RCL1: variants seen among roughly 807,000 people sequenced by gnomAD.
The protein encoded by RCL1 is RNA 3'-terminal phosphate cyclase-like protein.
In RCL1, 24 loss-of-function variants were observed where a neutral mutation model predicts 42.4. That is an observed-to-expected ratio of 0.57 (90% CI 0.41 to 0.80). The LOEUF (loss-of-function observed/expected upper bound fraction) is 0.80. Ranked by LOEUF, RCL1 falls within the 30% of genes least tolerant of loss-of-function variation. The pLI, the probability that RCL1 is intolerant of heterozygous loss-of-function variation, is 0.00. For missense variants in RCL1, 578 were observed against 467.9 expected (o/e 1.24, Z -2.17); for synonymous variants, 228 against 177.3 (o/e 1.29, Z -2.27).
At chr9:4,852,769 C>CTTTT (rs34189601) in intron 8 of RCL1, among the ~76,000 whole-genome samples, 1 of 143,596 alleles carries the variant, frequency 7.0e-6, no homozygotes, top group Admixed American at 6.9e-5. Context: ...GGTCAGGTCA[C>CTTTT]TTTTTTTTTT....
chr9:4,858,702 A>T (rs10121212), intron 8 of RCL1, among the ~76,000 whole-genome samples: 58 of 151,830 alleles, frequency 3.8e-4, no homozygotes, highest in Admixed American at 9.2e-4. Flanking sequence ...CTATGTGTTT[A>T]GCGTCAGTGT....
intron 5 of RCL1, among the ~76,000 whole-genome samples, chr9:4,840,531 C>T (rs972477206): frequency 1.3e-5 from 2 of 152,102 alleles, no homozygotes; most frequent in African/African-American, 4.8e-5. Context: ...TATCTTCCTC[C>T]TTTCTTTTCT....
chr9:4,852,177 G>A (rs770935707), intron 8 of RCL1, among the ~76,000 whole-genome samples: 1 of 152,082 alleles, frequency 6.6e-6, no homozygotes, highest in Non-Finnish European at 1.5e-5. Flanking sequence ...CACCAAGTCC[G>A]GCCAATGTGA....
intron 5 of RCL1, among the ~76,000 whole-genome samples, chr9:4,834,773 A>G (rs1018587553): frequency 6.6e-6 from 1 of 152,232 alleles, no homozygotes; most frequent in Non-Finnish European, 1.5e-5. Flanking sequence ...TTTACTCTGC[A>G]TCTACTTCAG....
intron 1 of RCL1, among the ~76,000 whole-genome samples, chr9:4,814,411 C>T (rs534151281): frequency 6.6e-6 from 1 of 152,080 alleles, no homozygotes; most frequent in Non-Finnish European, 1.5e-5. Flanking sequence ...GGTCTCCCTA[C>T]AGGTGTTTGC....
intron 5 of RCL1, among the ~76,000 whole-genome samples, chr9:4,840,130 G>A (rs1358858010): frequency 2.0e-5 from 3 of 151,658 alleles, no homozygotes; most frequent in Non-Finnish European, 4.4e-5. Context: ...GTTCAGGATG[G>A]GTCAAAAAAG....
At chr9:4,858,897 G>T (rs1818056916) in intron 8 of RCL1, among the ~76,000 whole-genome samples, 1 of 152,184 alleles carries the variant, frequency 6.6e-6, no homozygotes, top group Non-Finnish European at 1.5e-5. Context: ...AATGAGACTT[G>T]CCAGGGATTC....
chr9:4,826,728 G>A, intron 2 of RCL1, 130 bp from the exon 3 acceptor site: 1 of 760,586 alleles, frequency 1.3e-6, no homozygotes, highest in Non-Finnish European at 2.2e-6. Flanking sequence ...TGGGCTCTTA[G>A]CAAGATGGCA....
At chr9:4,815,453 CT>C (rs71326139) in intron 1 of RCL1, among the ~76,000 whole-genome samples, 127,834 of 141,330 alleles carry the variant, frequency 0.9, 58,061 homozygotes, top group Non-Finnish European at 0.96. Context: ...TTTTTCTTTT[CT>C]TTTTTTTTTT....
At chr9:4,821,347 C>A (rs540411478) in intron 1 of RCL1, among the ~76,000 whole-genome samples, 1 of 152,192 alleles carries the variant, frequency 6.6e-6, no homozygotes, top group African/African-American at 2.4e-5. Flanking sequence ...ATGATCAGGG[C>A]AGTCTGTTTG....
intron 4 of RCL1, 31 bp from the exon 5 acceptor site, chr9:4,834,110 C>A (rs1040371802): frequency 6.2e-7 from 1 of 1,605,182 alleles, no homozygotes. Flanking sequence ...TTTGCTGCAT[C>A]CTCGCCTCAT....
In RCL1 at chr9:4,798,362, C is replaced by G. The variant is rs562893450; in HGVS notation, c.136+5135C>G. 5.4e-4 allele frequency among the ~76,000 whole-genome samples: 82 copies of G among 152,294 alleles called. 1 individual carries two copies. The highest frequency in any genetic ancestry group is 2.0e-3 in the African/African-American group (82 of 41,582). On this transcript the variant is annotated intron_variant, in intron 1 of 8. Coordinates refer to ENST00000381750, the MANE Select transcript of RCL1 (RefSeq NM_005772.5). ...CAGAAATAATGGACTTGAACAAGAG[C>G]AGTGACATAGGAGTCAGAAGACAGG...
intron 8 of RCL1, chr9:4,850,218 A>G (rs942890909): frequency 2.0e-5 from 10 of 493,284 alleles, no homozygotes; most frequent in East Asian, 5.7e-5. Context: ...ACGTGCTTGC[A>G]TACTTGGAGA....
chr9:4,849,772 T>C (rs531286536), intron 8 of RCL1, among the ~76,000 whole-genome samples: 2 of 152,360 alleles, frequency 1.3e-5, no homozygotes, highest in African/African-American at 4.8e-5. Flanking sequence ...TGAAATTGCA[T>C]GATCTCTATT....
chr9:4,835,194 G>A (rs1284470507), intron 5 of RCL1, among the ~76,000 whole-genome samples: 1 of 152,152 alleles, frequency 6.6e-6, no homozygotes, highest in Non-Finnish European at 1.5e-5. Flanking sequence ...AGCTGAAGGT[G>A]GCTGGAATCA....
intron 1 of RCL1, among the ~76,000 whole-genome samples, chr9:4,796,053 G>A (rs1842908734): frequency 6.6e-6 from 1 of 152,182 alleles, no homozygotes; most frequent in African/African-American, 2.4e-5. Flanking sequence ...GGTGGCTGCG[G>A]AAATCATTGT....
intron 1 of RCL1, among the ~76,000 whole-genome samples, chr9:4,817,763 C>T (rs1403577623): frequency 6.6e-6 from 1 of 152,104 alleles, no homozygotes; most frequent in Non-Finnish European, 1.5e-5. Context: ...TCCCAAAGTG[C>T]TGGGATTACA....
chr9:4,793,251 G>C (rs1842859165), intron 1 of RCL1, 24 bp downstream of exon 1: 1 of 1,570,762 alleles, frequency 6.4e-7, no homozygotes, highest in Non-Finnish European at 8.6e-7. Flanking sequence ...GGCGGCGCGC[G>C]GCGTGGGCGC....
intron 4 of RCL1, 76 bp downstream of exon 4, chr9:4,833,304 G>A: frequency 9.2e-7 from 1 of 1,092,340 alleles, no homozygotes. Flanking sequence ...AGAGCTGTGT[G>A]ACTCAGTGTA....
Sources: allele counts gnomAD v4.1 joint callset (sites outside exome capture counted in the v4.1 genomes callset), GRCh38; gene constraint gnomAD v4.1.1; transcripts MANE v1.5; gene names NCBI Gene and HGNC (gene_info 2026-07-23, HGNC 2026-07-21).